MCF2L: variants seen among roughly 807,000 people sequenced by gnomAD.
MCF2L encodes MCF.2 cell line derived transforming sequence like.
Under a neutral mutation model 153.4 loss-of-function variants are expected in MCF2L, and 97 were observed. The observed-to-expected ratio is 0.63, with a 90% CI of 0.54 to 0.75. MCF2L has a LOEUF of 0.75. Ranked by LOEUF, MCF2L falls within the 30% of genes least tolerant of loss-of-function variation. The probability of loss-of-function intolerance (pLI) is 0.00; values close to 1 mark genes in which losing one functional copy is unlikely to be tolerated. For synonymous variants in MCF2L, 659 were observed against 632.2 expected (o/e 1.04, Z -0.64); for missense variants, 1,347 against 1,495.2 (o/e 0.90, Z 1.64).
intron 2 of MCF2L, among the ~76,000 whole-genome samples, chr13:112,939,465 G>T (rs1009513377): frequency 7.9e-5 from 12 of 152,150 alleles, no homozygotes; most frequent in African/African-American, 2.9e-4. Flanking sequence ...TTGTCTCTTG[G>T]TTATCAACCT....
intron 2 of MCF2L, among the ~76,000 whole-genome samples, chr13:112,963,807 C>T (rs181356654): frequency 1.3e-5 from 2 of 152,188 alleles, no homozygotes; most frequent in Non-Finnish European, 2.9e-5. Flanking sequence ...GAGACGGGCT[C>T]GCAGCTGGGT....
chr13:112,978,802 C>T (rs1478176405), intron 1 of MCF2L, among the ~76,000 whole-genome samples: 3 of 152,274 alleles, frequency 2.0e-5, no homozygotes, highest in Non-Finnish European at 4.4e-5. Context: ...CCTTCTCTTC[C>T]TGTGGCCTGG....
rs1033744257 is a variant in MCF2L, at chr13:112,969,978, C to G, written c.79+520C>G. ...CGGTATGGGTAAAGAGTGGACTGGACGTTCATTTTCAGTATTAATCGAAAT... is the reference window on the plus strand; with the variant it reads ...CGGTATGGGTAAAGAGTGGACTGGAGGTTCATTTTCAGTATTAATCGAAAT... On this transcript the variant is annotated intron_variant, in intron 1 of 29. Transcript: ENST00000535094. The surrounding 1 kb of genome is among the most constrained non-coding windows in gnomAD (Gnocchi z 4.8). Among the ~76,000 whole-genome samples the G allele has an allele frequency of 1.3e-5, 2 of 152,050 alleles. No individual in the cohort carries two copies. The highest frequency in any genetic ancestry group is 1.9e-4 in the East Asian group (1 of 5,194).
chr13:113,092,073 T>C (rs1182396324), intron 26 of MCF2L, among the ~76,000 whole-genome samples: 1 of 151,908 alleles, frequency 6.6e-6, no homozygotes, highest in Non-Finnish European at 1.5e-5. Context: ...GCCCCAGGAG[T>C]GCTTGGGAGA....
At chr13:113,006,603 C>T (rs999059984) in intron 1 of MCF2L, among the ~76,000 whole-genome samples, 6 of 152,362 alleles carry the variant, frequency 3.9e-5, no homozygotes, top group African/African-American at 1.4e-4. Flanking sequence ...AAGGCGCTGG[C>T]AGGCAGTGGC....
At chr13:112,996,909 A>C (rs979607710) in intron 1 of MCF2L, among the ~76,000 whole-genome samples, 1 of 152,168 alleles carries the variant, frequency 6.6e-6, no homozygotes. Context: ...CACCACCCCC[A>C]TGAAACTCCT....
In MCF2L at chr13:112,969,698, T is replaced by C. The variant is rs1273216770; in HGVS notation, c.79+240T>C. Reference sequence around the variant, plus strand: ...GTGACACTGGCTCTCTCAGGGTTGCTGGGTCTGCATGCGGAGCCATTTGTG... The same window carrying C: ...GTGACACTGGCTCTCTCAGGGTTGCCGGGTCTGCATGCGGAGCCATTTGTG... On this transcript the variant is annotated intron_variant, in intron 1 of 29. Coordinates refer to ENST00000535094, the MANE Select transcript of MCF2L (RefSeq NM_001112732.3). The surrounding 1 kb of genome is among the most constrained non-coding windows in gnomAD (Gnocchi z 4.8). Among the ~76,000 whole-genome samples the C allele has an allele frequency of 2.0e-5, 3 of 152,168 alleles. No homozygotes were observed. The highest frequency in any genetic ancestry group is 4.4e-5 in the Non-Finnish European group (3 of 68,020).
intron 16 of MCF2L, 142 bp downstream of exon 16, chr13:113,081,421 G>C (rs2034126193): frequency 2.6e-6 from 2 of 782,994 alleles, no homozygotes; most frequent in African/African-American, 1.7e-5. Context: ...GCCTGGTCGG[G>C]CCCCAGACGG....
chr13:113,063,130 C>T (rs979191531), intron 5 of MCF2L, among the ~76,000 whole-genome samples: 1 of 152,238 alleles, frequency 6.6e-6, no homozygotes, highest in Non-Finnish European at 1.5e-5. Context: ...CCTCCAACAG[C>T]ACCATTTGCT....
chr13:112,985,215 G>T lies in MCF2L; in HGVS notation c.79+15757G>T, dbSNP rs538275829. On this transcript the variant is annotated intron_variant, in intron 1 of 29. Transcript: ENST00000535094. Reference sequence around the variant, plus strand: ...GGAATCGGCCTCCAGGAGGGTAATTGCCTGGCGTACTCTGTCCCAGGTAGT... The same window carrying T: ...GGAATCGGCCTCCAGGAGGGTAATTTCCTGGCGTACTCTGTCCCAGGTAGT... 4.7e-4 allele frequency: 166 copies of T among 353,652 alleles called. 3 individuals are homozygous for T. Among genetic ancestry groups the T allele is most frequent in the South Asian group, 3.4e-3 (164 of 48,242 alleles). 21.9% of individuals were successfully genotyped at this position (353,652 alleles called of 1,614,324 possible).
Position 112,997,411 on chromosome 13 carries a change from G to A in MCF2L, c.80-17352G>A, listed in dbSNP as rs527982179. 1.0e-3 allele frequency among the ~76,000 whole-genome samples: 157 copies of A among 152,312 alleles called. 1 individual carries two copies. Among genetic ancestry groups the A allele is most frequent in the African/African-American group, 3.5e-3 (146 of 41,568 alleles). Reference sequence around the variant, plus strand: ...TGCAGACACCTGTGTAGACATCCACGTCACCCATAGCTGGGACCCCGTACG... The same window carrying A: ...TGCAGACACCTGTGTAGACATCCACATCACCCATAGCTGGGACCCCGTACG... On this transcript the variant is annotated intron_variant, in intron 1 of 29. Transcript: ENST00000535094.
At position 113,007,760 on chromosome 13, in the gene MCF2L, G is replaced by C. The variant is rs79187420; in HGVS notation, c.80-7003G>C. ...CACTGGCCACTTCAGGCGGCTCTGT[G>C]TCGTAAGGATCAGTTTCACATTAGG... On this transcript the variant is annotated intron_variant, in intron 1 of 29. Transcript: ENST00000535094. Among the ~76,000 whole-genome samples, 134 of 152,306 alleles carry C rather than the reference G, an allele frequency of 8.8e-4. 4 individuals are homozygous for C. In the East Asian group the frequency reaches 0.023, roughly 26 times the overall value.
At chr13:113,037,078 A>G (rs1348771668) in intron 3 of MCF2L, among the ~76,000 whole-genome samples, 1 of 152,128 alleles carries the variant, frequency 6.6e-6, no homozygotes, top group African/African-American at 2.4e-5. Context: ...CAGTGCAGAG[A>G]GGGGCTGGGG....
intron 25 of MCF2L, among the ~76,000 whole-genome samples, chr13:113,089,385 C>T: frequency 8.6e-6 from 1 of 116,818 alleles, no homozygotes; most frequent in Non-Finnish European, 1.9e-5. Flanking sequence ...CTCATCCAGC[C>T]CGTCCGGGTT....
chr13:112,919,275 G>T (rs1168996424), intron 2 of MCF2L, among the ~76,000 whole-genome samples: 3 of 136,944 alleles, frequency 2.2e-5, no homozygotes, highest in Non-Finnish European at 4.6e-5. Context: ...GCGGGATCTC[G>T]GCTCACTGCA....
intron 20 of MCF2L, 68 bp from the exon 21 acceptor site, chr13:113,086,056 G>A: frequency 1.3e-6 from 2 of 1,526,350 alleles, no homozygotes; most frequent in Non-Finnish European, 1.8e-6. Flanking sequence ...AAGCTCCTGA[G>A]GGGTCTGTTC....
intron 2 of MCF2L, among the ~76,000 whole-genome samples, chr13:112,931,715 A>G (rs2140625128): frequency 6.6e-6 from 1 of 152,294 alleles, no homozygotes; most frequent in South Asian, 2.1e-4. Context: ...CGCAGATTCC[A>G]GGATGGAGGC....
rs2035008450 is a variant in MCF2L at position 113,089,677 on chromosome 13, G to C, written c.2902G>C (p.Glu968Gln). 1.2e-6 allele frequency: 2 copies of C among 1,613,970 alleles called. No individual in the cohort carries two copies. The highest frequency in any genetic ancestry group is 1.3e-5 in the African/African-American group (1 of 75,052). The change falls in exon 26 of 30, where the codon GAG becomes CAG. Residue 968 changes from glutamate to glutamine, a missense_variant. Physicochemically the swap from Glu to Gln is conservative, Grantham distance 29. This residue lies in a region of MCF2L where 383 missense variants were observed against 335.4 expected (regional missense o/e 1.14). Coordinates refer to ENST00000535094, the MANE Select transcript of MCF2L (RefSeq NM_001112732.3). ...AAGGAAAACAGACCCCCTAAGCCTGGAGGGATACGTCAGCTCAGCGCCACT... is the reference window on the plus strand; with the variant it reads ...AAGGAAAACAGACCCCCTAAGCCTGCAGGGATACGTCAGCTCAGCGCCACT... ...EERKTDPLSL[E>Q]GYVSSAPLTK...
Position 113,086,201 on chromosome 13 carries a change from G to A in MCF2L, c.2325G>A (p.Leu775=). The A allele has an allele frequency of 6.2e-7, 1 of 1,611,288 alleles. No homozygotes were observed. Residue 775 remains leucine, a synonymous_variant, in exon 21 of 30, where the codon CTG becomes CTA. Coordinates refer to ENST00000535094, the MANE Select transcript of MCF2L (RefSeq NM_001112732.3). ...QEALSSILGI[L]KAVNDSMHLI... ...CGCTGAGCTCCATCCTGGGCATCCT[G>A]AAGGCCGTGAACGACTCCATGCACC...
Sources: gnomAD v4.1 joint callset for allele counts (sites outside exome capture counted in the v4.1 genomes callset) on GRCh38, gnomAD v4.1.1 for gene constraint, gnomAD v4.1.1 regional missense constraint, Gnocchi (gnomAD v3.1) non-coding constraint, MANE v1.5 for transcripts, NCBI Gene and HGNC (gene_info 2026-07-23, HGNC 2026-07-21) for gene names.